CSMD1: variants seen among roughly 807,000 people sequenced by gnomAD.
CSMD1 encodes CUB and sushi domain-containing protein 1.
Under a neutral mutation model 417.5 loss-of-function variants are expected in CSMD1, and 213 were observed. The ratio of observed to expected loss-of-function variants is 0.51; its 90% CI spans 0.46 to 0.57. CSMD1 has a LOEUF of 0.57. CSMD1 is among the 20% of genes least tolerant of loss of function. CSMD1 has a pLI of 0.00. For synonymous variants in CSMD1, 2,862 were observed against 1,736.8 expected, an observed-to-expected ratio of 1.65 and a Z score of -16.11; for missense variants, 6,923 against 4,529.7, an observed-to-expected ratio of 1.53 and a Z score of -15.17.
intron 3 of CSMD1, among the ~76,000 whole-genome samples, chr8:4,186,283 G>T (rs1798671403): frequency 6.6e-6 from 1 of 152,066 alleles, no homozygotes. Flanking sequence ...ACAAGAGAAG[G>T]AGGCCCGTGT....
chr8:4,349,839 G>C (rs1003361469), intron 3 of CSMD1, among the ~76,000 whole-genome samples: 3 of 118,876 alleles, frequency 2.5e-5, no homozygotes, highest in Non-Finnish European at 3.5e-5. Flanking sequence ...TTTTTTTTAA[G>C]TTTAGGTTAC....
intron 1 of CSMD1, among the ~76,000 whole-genome samples, chr8:4,872,318 A>T (rs1242840878): frequency 6.6e-6 from 1 of 152,008 alleles, no homozygotes; most frequent in Admixed American, 6.6e-5. Context: ...CTCATCTTGA[A>T]TTATAATCCC....
chr8:3,470,224 C>T (rs1192505129), intron 11 of CSMD1, among the ~76,000 whole-genome samples: 1 of 152,112 alleles, frequency 6.6e-6, no homozygotes, highest in Non-Finnish European at 1.5e-5. Context: ...TTTTGTTCAA[C>T]ATGATTTTGG....
intron 2 of CSMD1, among the ~76,000 whole-genome samples, chr8:4,562,674 C>A (rs1563289045): frequency 6.6e-6 from 1 of 152,124 alleles, no homozygotes; most frequent in Non-Finnish European, 1.5e-5. Context: ...AAGAGCAAGT[C>A]ACGCCACTGG....
intron 7 of CSMD1, among the ~76,000 whole-genome samples, chr8:3,676,254 T>C (rs1799369490): frequency 6.6e-6 from 1 of 152,214 alleles, no homozygotes; most frequent in Admixed American, 6.5e-5. Context: ...TGTACAGTTT[T>C]GATCCCTGGC....
At chr8:4,263,026 C>G (rs187054003) in intron 3 of CSMD1, among the ~76,000 whole-genome samples, 6 of 152,078 alleles carry the variant, frequency 3.9e-5, no homozygotes, top group African/African-American at 1.4e-4. Context: ...GCCAAATAGT[C>G]TAATGAATGT....
intron 10 of CSMD1, among the ~76,000 whole-genome samples, chr8:3,513,993 A>G (rs1797185492): frequency 6.6e-6 from 1 of 152,220 alleles, no homozygotes; most frequent in African/African-American, 2.4e-5. Flanking sequence ...ATTCCAATCC[A>G]GGCCTTCTTT....
chr8:3,893,186 C>T (rs1489073583), intron 5 of CSMD1, among the ~76,000 whole-genome samples: 1 of 151,310 alleles, frequency 6.6e-6, no homozygotes, highest in Non-Finnish European at 1.5e-5. Flanking sequence ...AACATGTTCC[C>T]AGGGCACGTC....
At chr8:4,014,647 T>C (rs1796436226) in intron 4 of CSMD1, among the ~76,000 whole-genome samples, 2 of 152,214 alleles carry the variant, frequency 1.3e-5, no homozygotes, top group African/African-American at 4.8e-5. Context: ...AGCCTGGGTC[T>C]TAGCAAGAAA....
At chr8:3,606,386 T>G (rs1359660858) in intron 8 of CSMD1, among the ~76,000 whole-genome samples, 2 of 152,178 alleles carry the variant, frequency 1.3e-5, no homozygotes, top group African/African-American at 2.4e-5. Flanking sequence ...GTTACTGTAC[T>G]GAGTACTGTA....
intron 1 of CSMD1, among the ~76,000 whole-genome samples, chr8:4,724,288 A>T (rs1334575309): frequency 2.0e-5 from 3 of 152,124 alleles, no homozygotes; most frequent in Non-Finnish European, 4.4e-5. Flanking sequence ...GCTATGTCAA[A>T]TTGTGTGTAA....
chr8:3,256,778 T>A (rs948209887), intron 26 of CSMD1, among the ~76,000 whole-genome samples: 1 of 152,248 alleles, frequency 6.6e-6, no homozygotes, highest in African/African-American at 2.4e-5. Context: ...GTGTATGTTA[T>A]TTAACCAAAG....
Position 4,037,399 on chromosome 8 carries a change from T to A in CSMD1, c.416-5300A>T, listed in dbSNP as rs997031195. On this transcript the variant is annotated intron_variant, in intron 3 of 69. Coordinates refer to ENST00000635120, the MANE Select transcript of CSMD1 (RefSeq NM_033225.6). ...CCATCAGCTCCACGCAACAGCCCAG[T>A]GGCATTATAGAGAATAAAGAGGATG... 4.2e-4 allele frequency among the ~76,000 whole-genome samples: 64 copies of A among 152,218 alleles called. 1 individual carries two copies. The highest frequency in any genetic ancestry group is 1.9e-4 in the Non-Finnish European group (13 of 68,038).
intron 1 of CSMD1, among the ~76,000 whole-genome samples, chr8:4,704,618 T>C (rs963884892): frequency 3.5e-4 from 53 of 152,358 alleles, no homozygotes; most frequent in African/African-American, 1.2e-3. Flanking sequence ...TCTAATTCTG[T>C]ACATTTCTTC....
chr8:3,771,861 C>T (rs557333151), intron 5 of CSMD1, among the ~76,000 whole-genome samples: 2 of 152,082 alleles, frequency 1.3e-5, no homozygotes, highest in East Asian at 3.9e-4. Context: ...CTTGCTTTGC[C>T]CACTTTTGAA....
chr8:4,874,731 A>G (rs893743060), intron 1 of CSMD1, among the ~76,000 whole-genome samples: 15 of 151,682 alleles, frequency 9.9e-5, no homozygotes, highest in African/African-American at 3.6e-4. Context: ...CTGAATTCTT[A>G]ACACCTTAAG....
intron 1 of CSMD1, among the ~76,000 whole-genome samples, chr8:4,704,312 G>T (rs986902664): frequency 1.3e-5 from 2 of 152,208 alleles, no homozygotes; most frequent in African/African-American, 4.8e-5. Flanking sequence ...ATTCAGCATT[G>T]AGTGTCTTAC....
intron 2 of CSMD1, among the ~76,000 whole-genome samples, chr8:4,518,604 C>A (rs561315118): frequency 7.7e-6 from 1 of 130,694 alleles, no homozygotes; most frequent in Admixed American, 8.7e-5. Flanking sequence ...CATCACACAC[C>A]GGGGACTGCT....
At chr8:3,182,175 C>G (rs1821375516) in intron 36 of CSMD1, among the ~76,000 whole-genome samples, 2 of 152,148 alleles carry the variant, frequency 1.3e-5, no homozygotes, top group African/African-American at 4.8e-5. Context: ...TTATTCCAAA[C>G]AGATGAACAT....
Sources: gnomAD v4.1 joint callset for allele counts (sites outside exome capture counted in the v4.1 genomes callset) on GRCh38, gnomAD v4.1.1 for gene constraint, MANE v1.5 for transcripts, NCBI Gene and HGNC (gene_info 2026-07-23, HGNC 2026-07-21) for gene names.